Variants in MME observed in about 807,000 individuals in gnomAD.
MME encodes membrane metalloendopeptidase, also known as neprilysin.
Under a neutral mutation model 113.2 loss-of-function variants are expected in MME, and 98 were observed. The ratio of observed to expected loss-of-function variants is 0.87; its 90% CI spans 0.74 to 1.02. The LOEUF (loss-of-function observed/expected upper bound fraction) is 1.02, where lower values mean the gene tolerates loss of function less well. Ranked by LOEUF, MME falls within the 50% of genes least tolerant of loss-of-function variation. The probability of loss-of-function intolerance (pLI) is 0.00; values close to 1 mark genes in which losing one functional copy is unlikely to be tolerated. For missense variants in MME, 836 were observed against 896.0 expected (o/e 0.93, Z 0.86); for synonymous variants, 292 against 300.6 (o/e 0.97, Z 0.30).
chr3:155,095,805 A>G (rs1211006482), intron 3 of MME, among the ~76,000 whole-genome samples: 1 of 152,232 alleles, frequency 6.6e-6, no homozygotes, highest in Admixed American at 6.5e-5. Context: ...TGTGACAGAC[A>G]TAAACAACAT....
chr3:155,181,556 A>G lies in MME; in HGVS notation c.*1097A>G, dbSNP rs199904482. ...TTTTCAGGTTTGTCATCAGATGGAA[A>G]TATTTTGATAATAAATTGAAATTGT... On this transcript the variant is annotated 3_prime_UTR_variant, in exon 23 of 23. Transcript: ENST00000360490. 1.3e-4 allele frequency: 20 copies of G among 152,142 alleles called. No homozygotes were observed. The highest frequency in any genetic ancestry group is 1.9e-4 in the Non-Finnish European group (13 of 68,026). The allele number at this position is 152,142 out of a possible 1,614,324, so 9.4% of individuals were successfully genotyped here.
chr3:155,155,086 T>C (rs893052884), intron 16 of MME, among the ~76,000 whole-genome samples: 11 of 152,132 alleles, frequency 7.2e-5, no homozygotes, highest in African/African-American at 2.4e-4. Context: ...TGTTTTGGGG[T>C]TGTTAGCAAA....
chr3:155,066,139 A>G (rs1714374007), intron 1 of MME, among the ~76,000 whole-genome samples: 1 of 152,228 alleles, frequency 6.6e-6, no homozygotes, highest in Non-Finnish European at 1.5e-5. Flanking sequence ...TCTACAGTCC[A>G]CAAATTAATT....
At chr3:155,158,794 A>G (rs1217592757) in intron 16 of MME, 1 of 151,994 alleles carries the variant, frequency 6.6e-6, no homozygotes, top group Non-Finnish European at 1.5e-5. Context: ...ATATTGTTGT[A>G]ATCATCAACC....
At chr3:155,035,458 A>G (rs1047544438) in intron 1 of MME, among the ~76,000 whole-genome samples, 3 of 152,098 alleles carry the variant, frequency 2.0e-5, no homozygotes, top group African/African-American at 7.2e-5. Context: ...AAGCAATTGA[A>G]CAAGTTAAGA....
intron 22 of MME, among the ~76,000 whole-genome samples, chr3:155,175,011 G>A (rs751698876): frequency 6.6e-6 from 1 of 151,868 alleles, no homozygotes; most frequent in African/African-American, 2.4e-5. Context: ...GATAGGTAAA[G>A]TTTGTCTCTT....
At chr3:155,121,258 A>G (rs1294011234) in intron 8 of MME, among the ~76,000 whole-genome samples, 3 of 139,190 alleles carry the variant, frequency 2.2e-5, no homozygotes, top group African/African-American at 8.0e-5. Flanking sequence ...ATTTTTGTAC[A>G]TTGATTTTGT....
rs959279016 is a variant in MME, at chr3:155,168,861, A to C, written c.1980+64A>C. On this transcript the variant is annotated intron_variant, in intron 20 of 22. Coordinates refer to ENST00000360490, the MANE Select transcript of MME (RefSeq NM_007289.4). ...GAGTGTTTCTCATATTTAATAATTC[A>C]TTTAAAACCTTTTGCAAAAAAAGAA... The C allele has an allele frequency of 5.7e-6, 8 of 1,406,070 alleles. No individual in the cohort carries two copies. The Admixed American group carries it at 9.4e-5, about 17-fold the overall frequency. The allele number at this position is 1,406,070 out of a possible 1,614,324, so 87.1% of individuals were successfully genotyped here.
At chr3:155,136,516 C>T (rs1468994551) in intron 8 of MME, among the ~76,000 whole-genome samples, 1 of 152,102 alleles carries the variant, frequency 6.6e-6, no homozygotes, top group African/African-American at 2.4e-5. Context: ...GCAATCACAG[C>T]TAGATAGTCA....
rs1346332486 is a variant in MME at position 155,170,317 on chromosome 3, A to G, written c.1980+1520A>G. On this transcript the variant is annotated intron_variant, in intron 20 of 22. Coordinates refer to ENST00000360490, the MANE Select transcript of MME (RefSeq NM_007289.4). ...GCCTTGGCCTCCTAAAGTGCTGGGA[A>G]CACAGGTGTGAGCCACTGTGCCTGA... is the stretch of plus-strand genomic sequence containing the variant. Among the ~76,000 whole-genome samples the G allele has an allele frequency of 2.6e-5, 4 of 152,110 alleles. No individual in the cohort carries two copies. The East Asian group carries it at 5.8e-4, about 22-fold the overall frequency.
intron 3 of MME, among the ~76,000 whole-genome samples, chr3:155,089,160 A>G (rs1379757922): frequency 5.3e-5 from 8 of 152,214 alleles, no homozygotes; most frequent in Non-Finnish European, 1.0e-4. Flanking sequence ...TAAAACAAAT[A>G]CCACTTAAGA....
At chr3:155,026,880 C>A (rs1031996483) in intron 1 of MME, among the ~76,000 whole-genome samples, 1 of 152,126 alleles carries the variant, frequency 6.6e-6, no homozygotes, top group African/African-American at 2.4e-5. Flanking sequence ...TTCCTAACCT[C>A]TTTTTCCTTT....
intron 9 of MME, among the ~76,000 whole-genome samples, chr3:155,139,035 A>T (rs1302942779): frequency 6.6e-6 from 1 of 152,040 alleles, no homozygotes; most frequent in Non-Finnish European, 1.5e-5. Context: ...AAGAGTTAAG[A>T]TCATGGAGGG....
intron 3 of MME, among the ~76,000 whole-genome samples, chr3:155,099,203 TAAG>T (rs1331073863): frequency 6.6e-6 from 1 of 152,178 alleles, no homozygotes; most frequent in African/African-American, 2.4e-5. Flanking sequence ...CAGCAACTAA[TAAG>T]AAGAGGTGCT....
chr3:155,161,324 A>G lies in MME; in HGVS notation c.1660+876A>G, dbSNP rs150418459. The stretch of plus-strand genomic sequence containing the variant: ...CAGGTGCACTCAGTTCTCCAGGTAC[A>G]CTCAGTCCTGCCCTTCATTTCTAAA... On this transcript the variant is annotated intron_variant, in intron 17 of 22. Transcript: ENST00000360490. Among the ~76,000 whole-genome samples the G allele has an allele frequency of 2.6e-4, 39 of 152,220 alleles. No individual in the cohort carries two copies. The East Asian group carries it at 7.3e-3, about 29-fold the overall frequency.
chr3:155,040,176 G>T (rs906805222), intron 1 of MME, among the ~76,000 whole-genome samples: 14 of 152,166 alleles, frequency 9.2e-5, no homozygotes, highest in African/African-American at 3.1e-4. Flanking sequence ...CTTAATGCAA[G>T]ATTTCTCACC....
intron 1 of MME, among the ~76,000 whole-genome samples, chr3:155,042,943 T>C (rs1713407761): frequency 8.3e-6 from 1 of 121,094 alleles, no homozygotes; most frequent in Non-Finnish European, 1.7e-5. Context: ...TATATATGTA[T>C]ATATATATAT....
At chr3:155,146,811 T>C (rs1490186531) in intron 14 of MME, among the ~76,000 whole-genome samples, 2 of 151,706 alleles carry the variant, frequency 1.3e-5, no homozygotes, top group Non-Finnish European at 2.9e-5. Flanking sequence ...TTACTTCTTC[T>C]AAAAAATTGA....
At chr3:155,049,381 G>A (rs770999375) in intron 1 of MME, among the ~76,000 whole-genome samples, 19 of 152,058 alleles carry the variant, frequency 1.2e-4, no homozygotes, top group South Asian at 2.1e-4. Flanking sequence ...ATACATCCAC[G>A]AGCCAAAGAA....
Sources: allele counts gnomAD v4.1 joint callset (sites outside exome capture counted in the v4.1 genomes callset), GRCh38; gene constraint gnomAD v4.1.1; transcripts MANE v1.5; gene names NCBI Gene and HGNC (gene_info 2026-07-23, HGNC 2026-07-21).